The following CORO2B variants were observed in gnomAD, a reference collection of about 807,000 sequenced individuals.
CORO2B encodes the protein coronin-2B.
A neutral mutation model predicts 58.8 loss-of-function variants in CORO2B; 26 were observed. The observed-to-expected ratio is 0.44, with a 90% CI of 0.32 to 0.61. The LOEUF is 0.61. CORO2B is among the 20% of genes least tolerant of loss of function. The pLI is 0.04. For missense variants in CORO2B, 460 were observed against 645.1 expected, an observed-to-expected ratio of 0.71 and a Z score of 3.11; for synonymous variants, 242 against 253.8, an observed-to-expected ratio of 0.95 and a Z score of 0.44.
the CORO2B span, among the ~76,000 whole-genome samples, chr15:68,521,270 C>T: frequency 2.1e-4 from 32 of 152,158 alleles, no homozygotes; most frequent in Non-Finnish European, 4.0e-4. Flanking sequence ...GTCAGTTTTA[C>T]ATTCTGTTAC....
the CORO2B span, among the ~76,000 whole-genome samples, chr15:68,525,842 A>G: frequency 6.6e-6 from 1 of 152,220 alleles, no homozygotes; most frequent in Admixed American, 6.5e-5. Flanking sequence ...GTATACATTC[A>G]TGTACAACAT....
At chr15:68,652,351 T>G (rs1901670016) in intron 2 of CORO2B, among the ~76,000 whole-genome samples, 1 of 152,160 alleles carries the variant, frequency 6.6e-6, no homozygotes, top group Admixed American at 6.5e-5. Context: ...AGGGGCCTTA[T>G]GAATATTCCA....
At chr15:68,715,981 C>T (rs563153689) in intron 8 of CORO2B, among the ~76,000 whole-genome samples, 13 of 152,328 alleles carry the variant, frequency 8.5e-5, no homozygotes, top group Admixed American at 2.0e-4. Context: ...CCCACCTCTG[C>T]GGGTGATCCT....
At chr15:68,543,412 G>A in the CORO2B span, among the ~76,000 whole-genome samples, 3 of 152,052 alleles carry the variant, frequency 2.0e-5, no homozygotes, top group South Asian at 6.2e-4. Context: ...TCTCAGCCTG[G>A]GCCAGGTCAA....
In CORO2B at chr15:68,645,729, G is replaced by A. The variant is rs1157160605; in HGVS notation, c.216+369G>A. On this transcript the variant is annotated intron_variant, in intron 2 of 11. Transcript: ENST00000261861. This position sits in a 1 kb window ranked among gnomAD's most constrained non-coding sequence, Gnocchi z 4.5. ...CTCTTGGTTTGGAGCCGGAAGGGAT[G>A]AAGACCTAGCCATAGGTATTATACA... 6.6e-6 allele frequency among the ~76,000 whole-genome samples: 1 copy of A among 152,120 alleles called. No individual in the cohort carries two copies. The highest frequency in any genetic ancestry group is 1.5e-5 in the Non-Finnish European group (1 of 68,018).
intron 1 of CORO2B, among the ~76,000 whole-genome samples, chr15:68,608,375 A>G (rs1900172950): frequency 6.6e-6 from 1 of 152,044 alleles, no homozygotes; most frequent in African/African-American, 2.4e-5. Flanking sequence ...CCTCCCCCAC[A>G]CTGTGGTCCC....
chr15:68,694,276 G>A (rs1301099529), intron 2 of CORO2B, among the ~76,000 whole-genome samples: 1 of 152,186 alleles, frequency 6.6e-6, no homozygotes, highest in Non-Finnish European at 1.5e-5. Context: ...CATATATTGA[G>A]CATTTACTGA....
chr15:68,593,882 G>A (rs1899763537), intron 1 of CORO2B, among the ~76,000 whole-genome samples: 2 of 152,076 alleles, frequency 1.3e-5, no homozygotes, highest in South Asian at 4.1e-4. Flanking sequence ...AGAAGGGCGA[G>A]AGAAGAGAAG....
At chr15:68,534,374 A>G in the CORO2B span, among the ~76,000 whole-genome samples, 1 of 152,176 alleles carries the variant, frequency 6.6e-6, no homozygotes, top group African/African-American at 2.4e-5. Flanking sequence ...TTGTTCACCT[A>G]TTTCTCCTGG....
At chr15:68,612,031 A>G (rs1298455467) in intron 1 of CORO2B, among the ~76,000 whole-genome samples, 1 of 152,194 alleles carries the variant, frequency 6.6e-6, no homozygotes, top group East Asian at 1.9e-4. Context: ...TCCACTGCCC[A>G]AAGTGCAGAG....
the CORO2B span, among the ~76,000 whole-genome samples, chr15:68,547,559 G>T: frequency 6.6e-5 from 10 of 151,974 alleles, no homozygotes; most frequent in Non-Finnish European, 1.2e-4. Flanking sequence ...AGCCAGGATG[G>T]TCTCAATCTC....
chr15:68,555,560 T>C, the CORO2B span, among the ~76,000 whole-genome samples: 1 of 152,182 alleles, frequency 6.6e-6, no homozygotes, highest in Non-Finnish European at 1.5e-5. Flanking sequence ...TCCCTTACTC[T>C]ATGTTCCTGC....
At chr15:68,671,384 G>A (rs1202814879) in intron 2 of CORO2B, among the ~76,000 whole-genome samples, 2 of 152,124 alleles carry the variant, frequency 1.3e-5, no homozygotes, top group African/African-American at 4.8e-5. Context: ...ACCCACATAT[G>A]AGCCAAAGCC....
chr15:68,657,650 G>A (rs1901857907), intron 2 of CORO2B, among the ~76,000 whole-genome samples: 1 of 152,042 alleles, frequency 6.6e-6, no homozygotes, highest in African/African-American at 2.4e-5. Context: ...TAATTTCAAA[G>A]TCATGATGTG....
chr15:68,600,525 C>A (rs577473410), intron 1 of CORO2B, among the ~76,000 whole-genome samples: 1 of 152,302 alleles, frequency 6.6e-6, no homozygotes, highest in Non-Finnish European at 1.5e-5. Context: ...AAAGACAAAG[C>A]GGTCTTTGTT....
At chr15:68,576,663 A>C (rs1367683084), upstream of CORO2B, among the ~76,000 whole-genome samples, 1 of 152,128 alleles carries the variant, frequency 6.6e-6, no homozygotes, top group African/African-American at 2.4e-5. Context: ...AAAGGTCTTG[A>C]GCTCCATCCT....
chr15:68,541,427 C>T, the CORO2B span, among the ~76,000 whole-genome samples: 2 of 152,096 alleles, frequency 1.3e-5, no homozygotes, highest in Admixed American at 1.3e-4. Flanking sequence ...ATCAAAAATG[C>T]TATATGAACA....
At chr15:68,720,046 G>A (rs1420925913) in intron 11 of CORO2B, among the ~76,000 whole-genome samples, 1 of 152,156 alleles carries the variant, frequency 6.6e-6, no homozygotes, top group Non-Finnish European at 1.5e-5. Flanking sequence ...CCTTGTCCAT[G>A]TCCCCCAGCG....
chr15:68,617,299 T>G (rs1369600683), intron 1 of CORO2B, among the ~76,000 whole-genome samples: 1 of 152,260 alleles, frequency 6.6e-6, no homozygotes, highest in Non-Finnish European at 1.5e-5. Flanking sequence ...CTCTTGTCTC[T>G]GCAGATCTTG....
Sources: allele counts gnomAD v4.1 joint callset (sites outside exome capture counted in the v4.1 genomes callset), GRCh38; gene constraint gnomAD v4.1.1; non-coding constraint Gnocchi (gnomAD v3.1); transcripts MANE v1.5; gene names NCBI Gene and HGNC (gene_info 2026-07-23, HGNC 2026-07-21).